The following RGS7 variants were observed in gnomAD, a reference collection of about 807,000 sequenced individuals.
RGS7 encodes the protein regulator of G protein signaling 7, also known as regulator of G-protein signaling 7.
In RGS7, 27 loss-of-function variants were observed where a neutral mutation model predicts 81.1. That is an observed-to-expected ratio of 0.33 (90% CI 0.25 to 0.46). RGS7 has a LOEUF of 0.46. Among genes scored for constraint, RGS7 ranks in the 20% least tolerant of loss-of-function variants. RGS7 has a pLI of 1.00. For missense variants in RGS7, 396 were observed against 607.4 expected (o/e 0.65, Z 3.66); for synonymous variants, 208 against 207.7 (o/e 1.00, Z -0.01).
chr1:241,152,390 T>C (rs1417400005), intron 2 of RGS7, among the ~76,000 whole-genome samples: 5 of 152,204 alleles, frequency 3.3e-5, no homozygotes, highest in South Asian at 2.1e-4. Context: ...ATACGATCAT[T>C]CATTGAAGAC....
At chr1:241,149,241 AC>A (rs1558130040) in intron 2 of RGS7, among the ~76,000 whole-genome samples, 1 of 152,062 alleles carries the variant, frequency 6.6e-6, no homozygotes, top group Non-Finnish European at 1.5e-5. Flanking sequence ...ATCTCGGCTC[AC>A]TGCAACCTCC....
At chr1:241,123,540 C>T (rs1337658110) in intron 2 of RGS7, among the ~76,000 whole-genome samples, 2 of 152,146 alleles carry the variant, frequency 1.3e-5, no homozygotes, top group African/African-American at 4.8e-5. Flanking sequence ...CACCTGAGGT[C>T]GGGAGTTTGA....
chr1:241,284,742 G>T (rs1210078389), intron 2 of RGS7, among the ~76,000 whole-genome samples: 1 of 152,252 alleles, frequency 6.6e-6, no homozygotes, highest in Non-Finnish European at 1.5e-5. Context: ...TGTGAAGGTA[G>T]AAGTCTAGCC....
intron 18 of RGS7, among the ~76,000 whole-genome samples, chr1:240,799,978 C>G (rs1262509761): frequency 1.3e-5 from 2 of 152,182 alleles, no homozygotes; most frequent in Non-Finnish European, 2.9e-5. Context: ...TTGACTTCCC[C>G]TTTCCATCTT....
At chr1:241,241,247 C>T (rs2076245993) in intron 2 of RGS7, among the ~76,000 whole-genome samples, 1 of 151,954 alleles carries the variant, frequency 6.6e-6, no homozygotes, top group South Asian at 2.1e-4. Context: ...GACCTCTTGC[C>T]CAACTTCTGG....
chr1:241,038,875 G>C (rs530846120), intron 3 of RGS7, among the ~76,000 whole-genome samples: 30 of 152,220 alleles, frequency 2.0e-4, no homozygotes, highest in Middle Eastern at 3.4e-3. Context: ...GCTGAGGCAG[G>C]AGAATCACTT....
intron 15 of RGS7, among the ~76,000 whole-genome samples, chr1:240,803,292 T>C (rs1688299592): frequency 6.6e-6 from 1 of 152,146 alleles, no homozygotes; most frequent in Non-Finnish European, 1.5e-5. Flanking sequence ...GTTGTTGACT[T>C]ATATAGATCA....
chr1:240,932,803 C>G (rs1227744162), intron 5 of RGS7, among the ~76,000 whole-genome samples: 7 of 149,084 alleles, frequency 4.7e-5, no homozygotes, highest in Non-Finnish European at 1.0e-4. Context: ...CCACTGTGCC[C>G]GGCCTAAAAA....
At chr1:241,308,084 T>G (rs961922842) in intron 2 of RGS7, among the ~76,000 whole-genome samples, 6 of 151,990 alleles carry the variant, frequency 3.9e-5, no homozygotes, top group African/African-American at 1.5e-4. Context: ...GAGACAATGA[T>G]CTTTATTCTT....
At chr1:241,203,510 G>A (rs1247868405) in intron 2 of RGS7, among the ~76,000 whole-genome samples, 1 of 152,140 alleles carries the variant, frequency 6.6e-6, no homozygotes, top group Non-Finnish European at 1.5e-5. Flanking sequence ...GATTACAGGT[G>A]TGAGCCACCG....
At chr1:240,923,263 T>C (rs182528105) in intron 6 of RGS7, among the ~76,000 whole-genome samples, 1 of 152,086 alleles carries the variant, frequency 6.6e-6, no homozygotes, top group African/African-American at 2.4e-5. Flanking sequence ...ATGTTATACA[T>C]TTCTGAAAAC....
chr1:240,934,938 G>GAGTGC (rs1285577053), intron 5 of RGS7, among the ~76,000 whole-genome samples: 2 of 137,432 alleles, frequency 1.5e-5, no homozygotes, highest in Admixed American at 1.5e-4. Flanking sequence ...GCCCAGGCTG[G>GAGTGC]AGTGCAGTGG....
At chr1:241,247,065 A>G (rs545463768) in intron 2 of RGS7, among the ~76,000 whole-genome samples, 104 of 152,146 alleles carry the variant, frequency 6.8e-4, no homozygotes, top group African/African-American at 2.3e-3. Flanking sequence ...CATTGTACAT[A>G]TGTTCTTTAA....
At chr1:241,143,388 C>T (rs2068069362) in intron 2 of RGS7, among the ~76,000 whole-genome samples, 1 of 152,186 alleles carries the variant, frequency 6.6e-6, no homozygotes, top group African/African-American at 2.4e-5. Context: ...TTTAATTGGA[C>T]TTGCAGTTCC....
At chr1:240,895,461 C>G (rs962050860) in intron 6 of RGS7, among the ~76,000 whole-genome samples, 1 of 151,936 alleles carries the variant, frequency 6.6e-6, no homozygotes, top group Admixed American at 6.6e-5. Context: ...TGACAGGCCC[C>G]GGTGTGTGAT....
rs549912864 is a variant in RGS7, at chr1:240,884,856, T to C, written c.386-14737A>G. On this transcript the variant is annotated intron_variant, in intron 6 of 18. Coordinates refer to ENST00000440928, the MANE Select transcript of RGS7 (RefSeq NM_001364886.1). ...GACACAGGAACGGGCAAAGATTTTA[T>C]GACAAAGACACCAAAAGCAACTGCA... Among the ~76,000 whole-genome samples, 73 of 152,278 alleles carry C rather than the reference T, an allele frequency of 4.8e-4. 1 individual carries two copies. In the Middle Eastern group the frequency reaches 0.014, roughly 28 times the overall value.
chr1:241,007,457 T>G (rs1158265714), intron 3 of RGS7, among the ~76,000 whole-genome samples: 1 of 152,214 alleles, frequency 6.6e-6, no homozygotes, highest in African/African-American at 2.4e-5. Context: ...GTTAAGTTTT[T>G]GGGGAAGTCA....
intron 10 of RGS7, among the ~76,000 whole-genome samples, chr1:240,821,615 T>C (rs959811103): frequency 2.4e-4 from 37 of 152,366 alleles, no homozygotes; most frequent in African/African-American, 8.9e-4. Flanking sequence ...ACATGCTGTA[T>C]ATGGAGTTGA....
intron 2 of RGS7, among the ~76,000 whole-genome samples, chr1:241,335,612 G>A (rs2082200266): frequency 6.6e-6 from 1 of 152,044 alleles, no homozygotes. Flanking sequence ...AATTTATCAA[G>A]TGATGTGTTA....
Sources: gnomAD v4.1 joint callset for allele counts (sites outside exome capture counted in the v4.1 genomes callset) on GRCh38, gnomAD v4.1.1 for gene constraint, MANE v1.5 for transcripts, NCBI Gene and HGNC (gene_info 2026-07-23, HGNC 2026-07-21) for gene names.